DNAH6: variants seen among roughly 807,000 people sequenced by gnomAD.
The protein encoded by DNAH6 is dynein axonemal heavy chain 6.
A neutral mutation model predicts 491.4 loss-of-function variants in DNAH6; 340 were observed. That is an observed-to-expected ratio of 0.69 (90% CI 0.63 to 0.76). DNAH6 has a LOEUF of 0.76. Among genes scored for constraint, DNAH6 ranks in the 30% least tolerant of loss-of-function variants. The pLI is 0.00. For missense variants in DNAH6, 4,443 were observed against 4,972.2 expected (o/e 0.89, Z 3.20); for synonymous variants, 1,603 against 1,686.1 (o/e 0.95, Z 1.21).
chr2:84,675,403 T>G (rs1024891902), intron 40 of DNAH6, among the ~76,000 whole-genome samples: 3 of 152,160 alleles, frequency 2.0e-5, no homozygotes, highest in African/African-American at 7.2e-5. Context: ...CAAGAGTGCC[T>G]TCCTCTTGGT....
intron 72 of DNAH6, among the ~76,000 whole-genome samples, chr2:84,809,079 T>C (rs1207469230): frequency 2.6e-5 from 4 of 152,228 alleles, no homozygotes; most frequent in African/African-American, 9.6e-5. Flanking sequence ...AATTTTAATG[T>C]CACTAAAATT....
chr2:84,544,302 T>G lies in DNAH6; in HGVS notation c.732T>G (p.Ile244Met). 1 of 1,532,672 alleles carries G rather than the reference T, an allele frequency of 6.5e-7. No individual in the cohort carries two copies. Among genetic ancestry groups the G allele is most frequent in the Non-Finnish European group, 8.9e-7 (1 of 1,129,908 alleles). The allele number at this position is 1,532,672 out of a possible 1,614,324, so 94.9% of individuals were successfully genotyped here. The change falls in exon 5 of 77, where the codon ATT becomes ATG. Residue 244 changes from isoleucine to methionine, a missense_variant. Ile to Met is a conservative substitution (Grantham distance 10). Around this residue, in one of 3 missense-constraint regions of DNAH6, gnomAD observed 2,977 missense variants for 3,296.6 expected, o/e 0.90. Transcript: ENST00000389394. The part of the protein sequence containing the change: ...YTISQRAVTH[I>M]YNEDIEFIEI... ...TTAGCCAAAGGGCAGTAACACACAT[T>G]TATAATGAAGACATTGAATTTATCG...
At chr2:84,704,410 T>G in intron 51 of DNAH6, 108 bp downstream of exon 51, 1 of 807,724 alleles carries the variant, frequency 1.2e-6, no homozygotes, top group Non-Finnish European at 1.9e-6. Flanking sequence ...TCTCATTGCT[T>G]CAGTTGGTCA....
chr2:84,813,915 TG>T, intron 74 of DNAH6, 55 bp from the exon 75 acceptor site: 1 of 1,534,068 alleles, frequency 6.5e-7, no homozygotes, highest in Non-Finnish European at 8.8e-7. Context: ...AGGGGAATAG[TG>T]CCTGGGGAGT....
chr2:84,615,191 G>T (rs189043414), intron 22 of DNAH6, among the ~76,000 whole-genome samples: 1 of 152,102 alleles, frequency 6.6e-6, no homozygotes, highest in Non-Finnish European at 1.5e-5. Context: ...TTAAGTCTTT[G>T]ATCTATCTTG....
chr2:84,785,139 A>T (rs1226864599), intron 66 of DNAH6, among the ~76,000 whole-genome samples: 1 of 152,186 alleles, frequency 6.6e-6, no homozygotes, highest in Non-Finnish European at 1.5e-5. Context: ...CCTACAAGCC[A>T]TACTAGTATG....
At chr2:84,644,565 T>C (rs1267367379) in intron 33 of DNAH6, among the ~76,000 whole-genome samples, 1 of 152,124 alleles carries the variant, frequency 6.6e-6, no homozygotes, top group Non-Finnish European at 1.5e-5. Context: ...ATCCACTAGC[T>C]ATTTTTCCTG....
chr2:84,634,458 G>C (rs1413112117), intron 29 of DNAH6, 46 bp from the exon 30 acceptor site: 1 of 1,407,744 alleles, frequency 7.1e-7, no homozygotes, highest in African/African-American at 1.5e-5. Flanking sequence ...TTTTGAAGGA[G>C]CTGAACTACA....
chr2:84,502,183 C>T, the DNAH6 span, among the ~76,000 whole-genome samples: 2 of 151,862 alleles, frequency 1.3e-5, no homozygotes, highest in Non-Finnish European at 2.9e-5. Flanking sequence ...CTCTTGGTAC[C>T]GCTTTTGCTG....
At chr2:84,626,021 C>T (rs955847935) in intron 29 of DNAH6, among the ~76,000 whole-genome samples, 11 of 152,062 alleles carry the variant, frequency 7.2e-5, no homozygotes, top group Non-Finnish European at 1.3e-4. Context: ...CACATCTTTT[C>T]GTACTCTATA....
At chr2:84,693,518 C>T (rs1232117910) in intron 45 of DNAH6, among the ~76,000 whole-genome samples, 2 of 151,956 alleles carry the variant, frequency 1.3e-5, no homozygotes, top group Non-Finnish European at 2.9e-5. Flanking sequence ...CCAAGGCAGG[C>T]GAATCATGAG....
rs746123046 is a variant in DNAH6, at chr2:84,577,335, A to G, written c.2003A>G (p.Asn668Ser). 1.9e-6 allele frequency: 3 copies of G among 1,612,378 alleles called. No homozygotes were observed. Among genetic ancestry groups the G allele is most frequent in the Admixed American group, 1.7e-5 (1 of 59,890 alleles). Reference protein sequence around the residue: ...KDAVALRPTRNVGLLLIDTRL... With the variant: ...KDAVALRPTRSVGLLLIDTRL... ...GCAGTAGCGCTCAGACCCACCAGAAATGTAGGATTGCTGCTCATTGATACT... is the reference window on the plus strand; with the variant it reads ...GCAGTAGCGCTCAGACCCACCAGAAGTGTAGGATTGCTGCTCATTGATACT... The change falls in exon 13 of 77, where the codon AAT becomes AGT. Residue 668 changes from asparagine to serine, a missense_variant. Asn to Ser is a conservative substitution (Grantham distance 46). Around this residue, in one of 3 missense-constraint regions of DNAH6, gnomAD observed 2,977 missense variants for 3,296.6 expected, o/e 0.90. Coordinates refer to ENST00000389394, the MANE Select transcript of DNAH6 (RefSeq NM_001370.2).
intron 11 of DNAH6, among the ~76,000 whole-genome samples, chr2:84,563,919 G>A (rs919383162): frequency 2.6e-5 from 4 of 152,170 alleles, no homozygotes; most frequent in Non-Finnish European, 4.4e-5. Context: ...CATATGGCTA[G>A]TGAGTTATTC....
Position 84,808,606 on chromosome 2 carries a change from T to C in DNAH6, c.11739+64T>C, listed in dbSNP as rs1396226786. ...AAGCTTTGTAGAGAGTTGTATAATA[T>C]GAAATTCTTCCATTCCCATCACTTC... On this transcript the variant is annotated intron_variant, in intron 72 of 76. Coordinates refer to ENST00000389394, the MANE Select transcript of DNAH6 (RefSeq NM_001370.2). 6 of 1,505,274 alleles carry C rather than the reference T, an allele frequency of 4.0e-6. No individual in the cohort carries two copies. In the South Asian group the frequency reaches 6.1e-5, roughly 15 times the overall value. The allele number at this position is 1,505,274 out of a possible 1,614,324, so 93.2% of individuals were successfully genotyped here.
the DNAH6 span, among the ~76,000 whole-genome samples, chr2:84,499,375 C>G: frequency 9.4e-4 from 143 of 152,318 alleles, no homozygotes; most frequent in African/African-American, 3.4e-3. Context: ...GACTGGATCT[C>G]ATTCTTTTTA....
At chr2:84,767,963 A>T (rs201243817) in intron 64 of DNAH6, among the ~76,000 whole-genome samples, 1 of 152,192 alleles carries the variant, frequency 6.6e-6, no homozygotes, top group East Asian at 1.9e-4. Context: ...AAATAATGAA[A>T]TCTGGAAGAC....
At chr2:84,742,105 C>A (rs1361244904) in intron 62 of DNAH6, among the ~76,000 whole-genome samples, 1 of 152,236 alleles carries the variant, frequency 6.6e-6, no homozygotes, top group Non-Finnish European at 1.5e-5. Context: ...TATCTGCTTA[C>A]TATTCTGGCT....
At chr2:84,462,532 T>C in the DNAH6 span, among the ~76,000 whole-genome samples, 3 of 152,224 alleles carry the variant, frequency 2.0e-5, no homozygotes, top group African/African-American at 4.8e-5. Context: ...GTCTCAGATA[T>C]TTTGGATTAA....
chr2:84,618,141 T>C (rs982125722), intron 23 of DNAH6, among the ~76,000 whole-genome samples: 8 of 152,062 alleles, frequency 5.3e-5, no homozygotes, highest in Non-Finnish European at 1.0e-4. Flanking sequence ...TTAGAGCAAG[T>C]TTCATGCAGG....
Sources: allele counts gnomAD v4.1 joint callset (sites outside exome capture counted in the v4.1 genomes callset), GRCh38; gene constraint gnomAD v4.1.1; regional missense constraint gnomAD v4.1.1; transcripts MANE v1.5; gene names NCBI Gene and HGNC (gene_info 2026-07-23, HGNC 2026-07-21).